Variants in AGO2 observed in about 807,000 individuals in gnomAD.
AGO2 encodes the protein protein argonaute-2.
AGO2 carries 5 observed loss-of-function variants against 102.3 expected under a neutral mutation model. The ratio of observed to expected loss-of-function variants is 0.05; its 90% confidence interval spans 0.03 to 0.10. The LOEUF (loss-of-function observed/expected upper bound fraction) is 0.10, where lower values mean the gene tolerates loss of function less well. AGO2 is among the 10% of genes least tolerant of loss of function. The probability of loss-of-function intolerance (pLI) is 1.00; values close to 1 mark genes in which losing one functional copy is unlikely to be tolerated. For missense variants in AGO2, 541 were observed against 1,183.7 expected (o/e 0.46, Z 7.97); for synonymous variants, 449 against 473.1 (o/e 0.95, Z 0.66).
intron 1 of AGO2, among the ~76,000 whole-genome samples, chr8:140,590,053 G>A (rs1171463104): frequency 3.3e-5 from 5 of 152,198 alleles, no homozygotes; most frequent in Non-Finnish European, 5.9e-5. Flanking sequence ...CCTGTCAGCC[G>A]GAGTGCAGAC....
chr8:140,602,548 T>A (rs1281654244), intron 1 of AGO2, among the ~76,000 whole-genome samples: 1 of 152,240 alleles, frequency 6.6e-6, no homozygotes, highest in Admixed American at 6.5e-5. Flanking sequence ...AGCTTTAGCT[T>A]TAAGTAAAAT....
At chr8:140,579,301 CT>C (rs2073514643) in intron 2 of AGO2, among the ~76,000 whole-genome samples, 1 of 152,086 alleles carries the variant, frequency 6.6e-6, no homozygotes, top group Admixed American at 6.5e-5. Context: ...AAGAAGTAAC[CT>C]TATCCTTTTC....
chr8:140,562,738 C>T, intron 3 of AGO2, 104 bp from the exon 4 acceptor site: 1 of 1,357,426 alleles, frequency 7.4e-7, no homozygotes, highest in Non-Finnish European at 1.0e-6. Flanking sequence ...TGAGGAAGTC[C>T]CCGCCCAGGC....
intron 1 of AGO2, among the ~76,000 whole-genome samples, chr8:140,633,133 G>T (rs562581947): frequency 1.3e-5 from 2 of 152,082 alleles, no homozygotes; most frequent in South Asian, 4.1e-4. Flanking sequence ...GGATGGTCTC[G>T]ATCTCTTGAC....
rs544366510 is a variant in AGO2 at position 140,581,318 on chromosome 8, C to T, written c.215+3801G>A. ...TCACAAGACGCCAGGAGTTTGAGAC[C>T]AGCCTGAGCAACATGGTGAAACCCA... On this transcript the variant is annotated intron_variant, in intron 2 of 18. Coordinates refer to ENST00000220592, the MANE Select transcript of AGO2 (RefSeq NM_012154.5). Among the ~76,000 whole-genome samples the T allele has an allele frequency of 1.7e-4, 26 of 152,332 alleles. No individual in the cohort carries two copies. In the South Asian group the frequency reaches 5.4e-3, roughly 32 times the overall value.
intron 1 of AGO2, among the ~76,000 whole-genome samples, chr8:140,619,534 C>T (rs896075121): frequency 5.3e-5 from 8 of 152,278 alleles, no homozygotes; most frequent in East Asian, 3.9e-4. Context: ...AAGGAAGCCG[C>T]GGGAGGCCTG....
rs2073139894 is a variant in AGO2, at chr8:140,558,514, A to G, written c.849T>C (p.Asn283=). ...GGTGACTGGCGGGCCGCCGGGTCAC[A>G]TTGCAGACGCGGTACTTCCTCTTCA... ...GQMKRKYRVC[N]VTRRPASHQT... The change falls in exon 7 of 19, where the codon AAT becomes AAC. Residue 283 remains asparagine, a synonymous_variant. Coordinates refer to ENST00000220592, the MANE Select transcript of AGO2 (RefSeq NM_012154.5). 1 of 1,614,240 alleles carries G rather than the reference A, an allele frequency of 6.2e-7. No individual in the cohort carries two copies. The highest frequency in any genetic ancestry group is 1.1e-5 in the South Asian group (1 of 91,090).
At position 140,557,007 on chromosome 8, in the gene AGO2, G is replaced by T. The variant is rs966034444; in HGVS notation, c.1026+82C>A. 8 of 1,517,832 alleles carry T rather than the reference G, an allele frequency of 5.3e-6. No individual in the cohort carries two copies. Among genetic ancestry groups the T allele is most frequent in the African/African-American group, 1.4e-5 (1 of 72,166 alleles). The allele number at this position is 1,517,832 out of a possible 1,614,324, so 94.0% of individuals were successfully genotyped here. A position where few individuals can be genotyped will look rare whatever the true frequency, so the allele number is the denominator to read the frequency against. On this transcript the variant is annotated intron_variant, in intron 8 of 18. Transcript: ENST00000220592. The surrounding 1 kb of genome is among the most constrained non-coding windows in gnomAD (Gnocchi z 5.9). Reference sequence around the variant, plus strand: ...CCATTTGTATCTGACTGGGGCCTCGGCGGTTTCTCGAAGCTGCATGCCCCA... The same window carrying T: ...CCATTTGTATCTGACTGGGGCCTCGTCGGTTTCTCGAAGCTGCATGCCCCA...
intron 1 of AGO2, among the ~76,000 whole-genome samples, chr8:140,613,881 A>AGTG (rs2074109694): frequency 6.6e-6 from 1 of 151,898 alleles, no homozygotes; most frequent in Non-Finnish European, 1.5e-5. Flanking sequence ...AGCCGGATGT[A>AGTG]GTGGTGCATG....
chr8:140,605,983 G>A (rs578023378), intron 1 of AGO2: 2 of 152,308 alleles, frequency 1.3e-5, no homozygotes, highest in South Asian at 4.1e-4. Context: ...CCATGCCTTC[G>A]AGGCTCCAAA....
chr8:140,613,569 G>A (rs915888588), intron 1 of AGO2, among the ~76,000 whole-genome samples: 5 of 152,180 alleles, frequency 3.3e-5, no homozygotes, highest in African/African-American at 4.8e-5. Flanking sequence ...CCCTTTCCAG[G>A]AGTGGATTGT....
chr8:140,634,332 G>C (rs532535639), intron 1 of AGO2, among the ~76,000 whole-genome samples: 1 of 152,394 alleles, frequency 6.6e-6, no homozygotes, highest in South Asian at 2.1e-4. Flanking sequence ...ATTTGGGGCC[G>C]GTCTGCAGCA....
At chr8:140,628,707 G>A (rs1563659735) in intron 1 of AGO2, among the ~76,000 whole-genome samples, 3 of 152,010 alleles carry the variant, frequency 2.0e-5, no homozygotes, top group Non-Finnish European at 4.4e-5. Context: ...CAGGGCTGCA[G>A]TGAGCCATGA....
At chr8:140,607,805 T>C (rs941313310) in intron 1 of AGO2, among the ~76,000 whole-genome samples, 2 of 152,068 alleles carry the variant, frequency 1.3e-5, no homozygotes, top group Non-Finnish European at 2.9e-5. Context: ...CAGCTGCTCA[T>C]GGAGCACAGG....
Position 140,547,131 on chromosome 8 carries a change from C to T in AGO2, c.1748+337G>A, listed in dbSNP as rs548197014. ...GCATGGTAGAGGGCCCTGGTCCACA[C>T]GGTAGCTGCTGCTGCTGCTGAGCCA... On this transcript the variant is annotated intron_variant, in intron 13 of 18. Transcript: ENST00000220592. Among the ~76,000 whole-genome samples the T allele has an allele frequency of 7.9e-5, 12 of 152,300 alleles. No homozygotes were observed. In the East Asian group the frequency reaches 1.2e-3, roughly 15 times the overall value.
At chr8:140,537,727 CT>C (rs199723468) in intron 16 of AGO2, among the ~76,000 whole-genome samples, 21 of 151,918 alleles carry the variant, frequency 1.4e-4, no homozygotes, top group African/African-American at 3.6e-4. Context: ...TTTTGCTTTA[CT>C]TTTTTTTTCT....
At chr8:140,552,777 T>C (rs1056392105) in intron 10 of AGO2, among the ~76,000 whole-genome samples, 1 of 149,718 alleles carries the variant, frequency 6.7e-6, no homozygotes, top group Non-Finnish European at 1.5e-5. Flanking sequence ...CACACACTCT[T>C]ACTATACAGG....
At chr8:140,568,101 T>C (rs1001579945) in intron 3 of AGO2, among the ~76,000 whole-genome samples, 3 of 11,894 alleles carry the variant, frequency 2.5e-4, no homozygotes, top group African/African-American at 8.8e-4. Context: ...CTACTAAAAA[T>C]ACAAAAAAAA....
Position 140,549,268 on chromosome 8 carries a change from C to A in AGO2, c.1434G>T (p.Ser478=), listed in dbSNP as rs370583339. 6.2e-7 allele frequency: 1 copy of A among 1,610,644 alleles called. No homozygotes were observed. The highest frequency in any genetic ancestry group is 2.2e-5 in the East Asian group (1 of 44,806). ...KSFTEQLRKI[S]RDAGMPIQGQ... ...CCTGGATGGGCATGCCGGCGTCTCT[C>A]GAGATCTTTCTGAGCTGCTCTGTGA... The change falls in exon 12 of 19, where the codon TCG becomes TCT. Residue 478 remains serine (S), a synonymous_variant. Transcript: ENST00000220592.
Sources: allele counts gnomAD v4.1 joint callset (sites outside exome capture counted in the v4.1 genomes callset), GRCh38; gene constraint gnomAD v4.1.1; non-coding constraint Gnocchi (gnomAD v3.1); transcripts MANE v1.5; gene names NCBI Gene and HGNC (gene_info 2026-07-23, HGNC 2026-07-21).